TFEC: variants seen among roughly 807,000 people sequenced by gnomAD.
TFEC encodes class E basic helix-loop-helix protein 34.
In TFEC, 31 loss-of-function variants were observed where a neutral mutation model predicts 41.6. The ratio of observed to expected loss-of-function variants is 0.74; its 90% confidence interval spans 0.56 to 1.01. The LOEUF (loss-of-function observed/expected upper bound fraction) is 1.01. TFEC is among the 50% of genes least tolerant of loss of function. The probability of loss-of-function intolerance (pLI) is 0.00; values close to 1 mark genes in which losing one functional copy is unlikely to be tolerated. For synonymous variants in TFEC, 143 were observed against 140.6 expected, an observed-to-expected ratio of 1.02 and a Z score of -0.12; for missense variants, 402 against 404.1, an observed-to-expected ratio of 0.99 and a Z score of 0.04.
intron 6 of TFEC, among the ~76,000 whole-genome samples, chr7:115,944,836 TAGTAAATAAAACTGCAACAAAGATTTCAC>T (rs1490372931): frequency 6.6e-6 from 1 of 151,368 alleles, no homozygotes; most frequent in Admixed American, 6.6e-5. Flanking sequence ...GGCACACTCT[TAGTAAATAAAACTGCAACAAAGATTTCAC>T]AGGGCTTTCC....
intron 1 of TFEC, among the ~76,000 whole-genome samples, chr7:116,001,272 C>A (rs535004229): frequency 1.3e-5 from 2 of 152,096 alleles, no homozygotes; most frequent in South Asian, 2.1e-4. Flanking sequence ...GACAATATGA[C>A]CCTATCTCTT....
chr7:115,947,330 T>C (rs1434949187), intron 6 of TFEC, among the ~76,000 whole-genome samples: 2 of 151,590 alleles, frequency 1.3e-5, no homozygotes, highest in Non-Finnish European at 1.5e-5. Flanking sequence ...TGCTGGACAT[T>C]TGGGTTGGTT....
chr7:116,084,239 A>T (rs570271036), intron 3 of TFEC, among the ~76,000 whole-genome samples: 1 of 151,964 alleles, frequency 6.6e-6, no homozygotes, highest in South Asian at 2.1e-4. Flanking sequence ...CTTTGCCTAA[A>T]ATATTTTCAC....
At position 115,956,708 on chromosome 7, in the gene TFEC, C is replaced by G; in HGVS notation, c.353G>C (p.Ser118Thr). The G allele has an allele frequency of 6.2e-7, 1 of 1,609,360 alleles. No individual in the cohort carries two copies. Among genetic ancestry groups the G allele is most frequent in the Non-Finnish European group, 8.5e-7 (1 of 1,177,428 alleles). The part of the protein sequence containing the change: ...NMGLTSASCP[S>T]SLPMKREITE... The stretch of plus-strand genomic sequence containing the variant: ...AATTTCTCTTTTCATTGGTAGACTA[C>G]TTGGACAAGAAGCACTTGTAAGCCC... The change falls in exon 4 of 8, where the codon AGT (serine) becomes ACT (threonine). Residue 118 changes from serine (S) to threonine (T), a missense_variant. Ser to Thr is a moderately conservative substitution (Grantham distance 58). Transcript: ENST00000265440.
intron 1 of TFEC, among the ~76,000 whole-genome samples, chr7:116,119,582 A>G (rs535875351): frequency 2.6e-5 from 4 of 151,966 alleles, no homozygotes; most frequent in African/African-American, 9.6e-5. Flanking sequence ...TATTGTATGT[A>G]AATTGTATGT....
chr7:115,993,463 A>T (rs202050842), intron 1 of TFEC, among the ~76,000 whole-genome samples: 1 of 152,132 alleles, frequency 6.6e-6, no homozygotes, highest in Non-Finnish European at 1.5e-5. Context: ...AAACCCCATC[A>T]TCTCAGCCCA....
intron 3 of TFEC, among the ~76,000 whole-genome samples, chr7:116,050,465 C>T (rs576877321): frequency 6.6e-6 from 1 of 152,258 alleles, no homozygotes; most frequent in East Asian, 1.9e-4. Flanking sequence ...AATCAAACAA[C>T]CCCATCAAAA....
At chr7:116,132,204 G>C (rs1487976560) in intron 1 of TFEC, among the ~76,000 whole-genome samples, 1 of 152,150 alleles carries the variant, frequency 6.6e-6, no homozygotes, top group Middle Eastern at 3.2e-3. Flanking sequence ...ATAAGTCAAA[G>C]AAATGTATGT....
At chr7:116,041,067 T>C (rs1341261989) in intron 3 of TFEC, among the ~76,000 whole-genome samples, 1 of 152,142 alleles carries the variant, frequency 6.6e-6, no homozygotes, top group Admixed American at 6.6e-5. Context: ...GACACTGAGA[T>C]GAAAAGGATC....
At chr7:116,014,121 A>G (rs1795103489) in intron 1 of TFEC, among the ~76,000 whole-genome samples, 1 of 152,158 alleles carries the variant, frequency 6.6e-6, no homozygotes. Flanking sequence ...TTAATGTTTG[A>G]TTTCCTGAAA....
At chr7:115,946,612 C>T (rs145048474) in intron 6 of TFEC, among the ~76,000 whole-genome samples, 8 of 111,798 alleles carry the variant, frequency 7.2e-5, no homozygotes, top group African/African-American at 6.9e-5. Flanking sequence ...TTTCTTTTTT[C>T]TTTCTTTCTT....
At chr7:115,949,726 A>T (rs534162500) in intron 6 of TFEC, among the ~76,000 whole-genome samples, 5 of 152,066 alleles carry the variant, frequency 3.3e-5, no homozygotes, top group Non-Finnish European at 7.4e-5. Flanking sequence ...CTTAAACGTT[A>T]GACCTAAAAC....
At position 115,971,850 on chromosome 7, in the gene TFEC, A is replaced by C. The variant is rs77697599; in HGVS notation, c.267+2320T>G. Among the ~76,000 whole-genome samples, 8 of 152,200 alleles carry C rather than the reference A, an allele frequency of 5.3e-5. No individual in the cohort carries two copies. The East Asian group carries it at 1.5e-3, about 29-fold the overall frequency. On this transcript the variant is annotated intron_variant, in intron 3 of 7. Coordinates refer to ENST00000265440, the MANE Select transcript of TFEC (RefSeq NM_012252.4). The stretch of plus-strand genomic sequence containing the variant: ...CCAGCACAGAAGAAAACAGAGACAA[A>C]TTTACAAAGGGATGCCCACATACAA...
At position 116,147,458 on chromosome 7, in the gene TFEC, G is replaced by C. The variant is rs989997663; in HGVS notation, c.-69+12332C>G. ...CTAGGGTACATGTGCACAACGTGCA[G>C]GTTTATTACATATGTATACATATGC... On this transcript the variant is annotated intron_variant, in intron 1 of 8. Transcript: ENST00000484212. Among the ~76,000 whole-genome samples the C allele has an allele frequency of 4.6e-5, 7 of 152,064 alleles. No individual in the cohort carries two copies. The East Asian group carries it at 1.3e-3, about 29-fold the overall frequency.
intron 1 of TFEC, among the ~76,000 whole-genome samples, chr7:116,012,840 A>G (rs1795052359): frequency 6.6e-6 from 1 of 151,536 alleles, no homozygotes; most frequent in Non-Finnish European, 1.5e-5. Context: ...AAAAAAAAAA[A>G]AAAACCCAAA....
chr7:116,037,919 T>A (rs538768909), intron 3 of TFEC, among the ~76,000 whole-genome samples: 1 of 152,056 alleles, frequency 6.6e-6, no homozygotes, highest in African/African-American at 2.4e-5. Flanking sequence ...CATATCACTA[T>A]ACAATTGCAA....
chr7:116,017,430 G>T (rs1795234712), intron 1 of TFEC, among the ~76,000 whole-genome samples: 1 of 151,990 alleles, frequency 6.6e-6, no homozygotes, highest in South Asian at 2.1e-4. Flanking sequence ...CCCCATATTG[G>T]CCGGCTGGTC....
chr7:116,117,047 G>A (rs994393558), intron 1 of TFEC, among the ~76,000 whole-genome samples: 5 of 151,792 alleles, frequency 3.3e-5, no homozygotes, highest in African/African-American at 4.8e-5. Flanking sequence ...CATTAATGTG[G>A]AGCATTTGCC....
chr7:116,050,217 A>G (rs1796274507), intron 3 of TFEC, among the ~76,000 whole-genome samples: 1 of 152,218 alleles, frequency 6.6e-6, no homozygotes, highest in African/African-American at 2.4e-5. Context: ...AAAGCTCAAC[A>G]AAATTGATAG....
Sources: allele counts gnomAD v4.1 joint callset (sites outside exome capture counted in the v4.1 genomes callset), GRCh38; gene constraint gnomAD v4.1.1; transcripts MANE v1.5; gene names NCBI Gene and HGNC (gene_info 2026-07-23, HGNC 2026-07-21).